The following CSMD1 variants were observed in gnomAD, a reference collection of about 807,000 sequenced individuals.
CSMD1 encodes CUB and Sushi multiple domains 1.
A neutral mutation model predicts 417.5 loss-of-function variants in CSMD1; 213 were observed. The observed-to-expected ratio is 0.51, with a 90% confidence interval of 0.46 to 0.57. The LOEUF (loss-of-function observed/expected upper bound fraction) is 0.57, where lower values mean the gene tolerates loss of function less well. Ranked by LOEUF, CSMD1 falls within the 20% of genes least tolerant of loss-of-function variation. The probability of loss-of-function intolerance (pLI) is 0.00; values close to 1 mark genes in which losing one functional copy is unlikely to be tolerated. For missense variants in CSMD1, 6,923 were observed against 4,529.7 expected (o/e 1.53, Z -15.17); for synonymous variants, 2,862 against 1,736.8 (o/e 1.65, Z -16.11).
intron 5 of CSMD1, among the ~76,000 whole-genome samples, chr8:3,936,820 C>T (rs1046003453): frequency 3.3e-5 from 5 of 152,164 alleles, no homozygotes; most frequent in Non-Finnish European, 7.4e-5. Context: ...TTTCATAAGG[C>T]TATTGCTGCA....
intron 12 of CSMD1, among the ~76,000 whole-genome samples, chr8:3,441,340 A>G (rs1480181916): frequency 6.6e-6 from 1 of 152,038 alleles, no homozygotes; most frequent in Admixed American, 6.6e-5. Context: ...GGGGTGTTGA[A>G]TTTGTCAAAT....
At chr8:3,497,334 G>T (rs1387694136) in intron 10 of CSMD1, among the ~76,000 whole-genome samples, 2 of 152,212 alleles carry the variant, frequency 1.3e-5, no homozygotes, top group Admixed American at 6.5e-5. Flanking sequence ...GGTGTTGGGT[G>T]CATATATGTT....
At chr8:4,655,827 A>C (rs6990840) in intron 1 of CSMD1, among the ~76,000 whole-genome samples, 2 of 152,168 alleles carry the variant, frequency 1.3e-5, no homozygotes, top group Non-Finnish European at 2.9e-5. Context: ...AATGTGGATT[A>C]GAATTCAGCT....
chr8:3,765,678 T>G (rs529298190), intron 5 of CSMD1, among the ~76,000 whole-genome samples: 19 of 152,364 alleles, frequency 1.2e-4, no homozygotes, highest in African/African-American at 4.1e-4. Context: ...AATGCTGCTC[T>G]TGTCCTCTCA....
At chr8:3,730,875 C>G (rs951972021) in intron 6 of CSMD1, among the ~76,000 whole-genome samples, 3 of 152,272 alleles carry the variant, frequency 2.0e-5, no homozygotes, top group South Asian at 2.1e-4. Context: ...AGAGAGAGTG[C>G]TTTTAGCCAC....
At chr8:4,649,523 G>A (rs915876005) in intron 1 of CSMD1, among the ~76,000 whole-genome samples, 1 of 152,182 alleles carries the variant, frequency 6.6e-6, no homozygotes, top group Non-Finnish European at 1.5e-5. Flanking sequence ...TTCTACCCCT[G>A]TGCTCATCCT....
intron 11 of CSMD1, among the ~76,000 whole-genome samples, chr8:3,481,824 T>C (rs889343045): frequency 1.3e-5 from 2 of 152,186 alleles, no homozygotes; most frequent in Admixed American, 6.5e-5. Flanking sequence ...TTTGGAGTGA[T>C]TACAGCTCTG....
intron 49 of CSMD1, among the ~76,000 whole-genome samples, chr8:3,085,697 G>C (rs1814480684): frequency 6.6e-6 from 1 of 152,302 alleles, no homozygotes; most frequent in Non-Finnish European, 1.5e-5. Flanking sequence ...AAGAAGTCAA[G>C]ACTTATCCCA....
chr8:4,268,132 A>G (rs527690916), intron 3 of CSMD1, among the ~76,000 whole-genome samples: 1 of 152,152 alleles, frequency 6.6e-6, no homozygotes, highest in Non-Finnish European at 1.5e-5. Flanking sequence ...ACTGTTAAAC[A>G]TATGTCCAAA....
chr8:3,266,983 A>G (rs1287225032), intron 26 of CSMD1, among the ~76,000 whole-genome samples: 2 of 152,162 alleles, frequency 1.3e-5, no homozygotes, highest in Non-Finnish European at 2.9e-5. Flanking sequence ...GGAGAAGACA[A>G]ACAAGCTGAC....
In CSMD1 at chr8:4,406,454, A is replaced by T. The variant is rs369341230; in HGVS notation, c.415+13499T>A. Among the ~76,000 whole-genome samples the T allele has an allele frequency of 9.2e-5, 14 of 152,356 alleles. No homozygotes were observed. In the East Asian group the frequency reaches 2.7e-3, roughly 29 times the overall value. ...GAGCCACAAATTTCAAATTTCTGAT[A>T]AATCTACTCATCATCCTCTGGGCAT... On this transcript the variant is annotated intron_variant, in intron 3 of 69. Transcript: ENST00000635120.
In CSMD1 at chr8:3,521,126, T is replaced by G. The variant is rs561801820; in HGVS notation, c.1345-27400A>C. 9.2e-5 allele frequency among the ~76,000 whole-genome samples: 14 copies of G among 151,842 alleles called. No individual in the cohort carries two copies. The East Asian group carries it at 2.7e-3, about 29-fold the overall frequency. Reference sequence around the variant, plus strand: ...TCTTCCCACTTTCTACCAGTCACCATTCCAGTCCATCCTACACACTGAAAA... The same window carrying G: ...TCTTCCCACTTTCTACCAGTCACCAGTCCAGTCCATCCTACACACTGAAAA... On this transcript the variant is annotated intron_variant, in intron 10 of 69. Transcript: ENST00000635120.
intron 3 of CSMD1, among the ~76,000 whole-genome samples, chr8:4,192,946 C>CATTTTTCA (rs1799115158): frequency 1.3e-5 from 2 of 152,198 alleles, no homozygotes. Context: ...GTACGTGGTG[C>CATTTTTCA]TACCCTTCCT....
In CSMD1 at chr8:3,350,503, T is replaced by C. The variant is rs531109898; in HGVS notation, c.3305-2342A>G. On this transcript the variant is annotated intron_variant, in intron 21 of 69. Transcript: ENST00000635120. The stretch of plus-strand genomic sequence containing the variant: ...AACTGTGAAGTACTCATAAAGGGAA[T>C]AGCACTTTTAAAAAATATCCTAAAT... Among the ~76,000 whole-genome samples the C allele has an allele frequency of 7.9e-5, 12 of 151,984 alleles. 1 individual carries two copies. The South Asian group carries it at 2.1e-3, about 26-fold the overall frequency.
At chr8:3,689,405 T>C (rs1313849091) in intron 7 of CSMD1, among the ~76,000 whole-genome samples, 1 of 152,214 alleles carries the variant, frequency 6.6e-6, no homozygotes, top group Non-Finnish European at 1.5e-5. Context: ...GGTTATACAA[T>C]GTTTCAGGAA....
chr8:4,328,961 G>C (rs954767609), intron 3 of CSMD1, among the ~76,000 whole-genome samples: 1 of 152,196 alleles, frequency 6.6e-6, no homozygotes, highest in Non-Finnish European at 1.5e-5. Flanking sequence ...GTTTAGCAGA[G>C]TATCACTCTT....
intron 7 of CSMD1, among the ~76,000 whole-genome samples, chr8:3,679,056 C>A (rs1049376084): frequency 6.6e-6 from 1 of 152,134 alleles, no homozygotes; most frequent in African/African-American, 2.4e-5. Context: ...AAAGGAACAA[C>A]TGGTACTAGC....
At chr8:3,201,105 G>T (rs1796968228) in intron 32 of CSMD1, among the ~76,000 whole-genome samples, 1 of 152,178 alleles carries the variant, frequency 6.6e-6, no homozygotes, top group South Asian at 2.1e-4. Context: ...ATAAAAATAA[G>T]TTGTGAAATA....
At chr8:3,166,963 C>A (rs1398371905) in intron 37 of CSMD1, among the ~76,000 whole-genome samples, 1 of 152,074 alleles carries the variant, frequency 6.6e-6, no homozygotes, top group African/African-American at 2.4e-5. Context: ...GATAATATAT[C>A]ATATGGGGTG....
Sources: allele counts gnomAD v4.1 joint callset (sites outside exome capture counted in the v4.1 genomes callset), GRCh38; gene constraint gnomAD v4.1.1; transcripts MANE v1.5; gene names NCBI Gene and HGNC (gene_info 2026-07-23, HGNC 2026-07-21).